PCDHAC2: variants seen among roughly 807,000 people sequenced by gnomAD.
The protein encoded by PCDHAC2 is protocadherin alpha subfamily C, 2, also known as protocadherin alpha-C2.
Under a neutral mutation model 63.3 loss-of-function variants are expected in PCDHAC2, and 24 were observed. The ratio of observed to expected loss-of-function variants is 0.38; its 90% CI spans 0.27 to 0.53. PCDHAC2 has a LOEUF of 0.53. Ranked by LOEUF, PCDHAC2 falls within the 20% of genes least tolerant of loss-of-function variation. The probability of loss-of-function intolerance (pLI) is 0.81; values close to 1 mark genes in which losing one functional copy is unlikely to be tolerated. For missense variants in PCDHAC2, 1,181 were observed against 1,275.2 expected (o/e 0.93, Z 1.12); for synonymous variants, 569 against 529.4 (o/e 1.07, Z -1.03).
In PCDHAC2 at chr5:140,966,787, A is replaced by C. The variant is rs781920865; in HGVS notation, c.21A>C (p.Arg7Ser). 5.9e-5 allele frequency: 90 copies of C among 1,526,700 alleles called. No homozygotes were observed. Among genetic ancestry groups the C allele is most frequent in the Non-Finnish European group, 7.7e-5 (88 of 1,139,948 alleles). The allele number at this position is 1,526,700 out of a possible 1,614,324, so 94.6% of individuals were successfully genotyped here. Residue 7 changes from arginine to serine, a missense_variant, in exon 1 of 4, where the codon AGA (arginine) becomes AGC (serine). This residue lies in a region of PCDHAC2 where 210 missense variants were observed against 184.9 expected (regional missense o/e 1.14). Coordinates refer to ENST00000289269, the MANE Select transcript of PCDHAC2 (RefSeq NM_018899.6). MEQAGT[R>S]PAATEHPRLR... ...TGGCTATGGAGCAGGCGGGCACCAG[A>C]CCTGCGGCGACAGAGCATCCACGGC...
intron 3 of PCDHAC2, among the ~76,000 whole-genome samples, chr5:140,999,591 C>T (rs2153957965): frequency 1.3e-5 from 2 of 152,208 alleles, no homozygotes; most frequent in South Asian, 4.2e-4. Flanking sequence ...AATTGCCTTC[C>T]CTACATCCTG....
At chr5:140,998,415 C>T (rs1554256243) in intron 3 of PCDHAC2, among the ~76,000 whole-genome samples, 1 of 152,158 alleles carries the variant, frequency 6.6e-6, no homozygotes, top group African/African-American at 2.4e-5. Context: ...GTTTATCTAC[C>T]TGGTTTATCC....
At chr5:140,981,019 T>C (rs1396794400) in intron 2 of PCDHAC2, among the ~76,000 whole-genome samples, 1 of 152,124 alleles carries the variant, frequency 6.6e-6, no homozygotes, top group Non-Finnish European at 1.5e-5. Flanking sequence ...ACTTGAAGGC[T>C]GTTAATATTT....
intron 1 of PCDHAC2, 139 bp from the exon 2 acceptor site, chr5:140,978,808 TAG>T: frequency 6.7e-7 from 1 of 1,496,146 alleles, no homozygotes; most frequent in Non-Finnish European, 8.9e-7. Flanking sequence ...GATATCATCA[TAG>T]AGTTACACAT....
intron 3 of PCDHAC2, among the ~76,000 whole-genome samples, chr5:141,001,133 A>G (rs2097993653): frequency 6.6e-6 from 1 of 152,034 alleles, no homozygotes; most frequent in Non-Finnish European, 1.5e-5. Flanking sequence ...AAACAAATGA[A>G]TCTTCTGTTG....
At chr5:140,993,877 C>T (rs1457877493) in intron 3 of PCDHAC2, among the ~76,000 whole-genome samples, 4 of 152,150 alleles carry the variant, frequency 2.6e-5, no homozygotes, top group South Asian at 2.1e-4. Context: ...TGTGTAAGTA[C>T]GCTCTATGAT....
Position 141,009,718 on chromosome 5 carries a change from A to C in PCDHAC2, c.2805A>C (p.Gln935His). The change falls in exon 4 of 4, where the codon CAA becomes CAC. Residue 935 changes from glutamine to histidine, a missense_variant. Around this residue, in one of 3 missense-constraint regions of PCDHAC2, gnomAD observed 968 missense variants for 1,073.5 expected, o/e 0.90. Coordinates refer to ENST00000289269, the MANE Select transcript of PCDHAC2 (RefSeq NM_018899.6). Reference protein sequence around the residue: ...TFKYGPGNPKQSGPGELPDKF... With the variant: ...TFKYGPGNPKHSGPGELPDKF... Reference sequence around the variant, plus strand: ...AATACGGACCAGGCAACCCCAAACAATCCGGTCCCGGTGAGTTGCCCGACA... The same window carrying C: ...AATACGGACCAGGCAACCCCAAACACTCCGGTCCCGGTGAGTTGCCCGACA... 6.2e-7 allele frequency: 1 copy of C among 1,614,044 alleles called. No individual in the cohort carries two copies. Among genetic ancestry groups the C allele is most frequent in the Non-Finnish European group, 8.5e-7 (1 of 1,180,018 alleles).
intron 1 of PCDHAC2, among the ~76,000 whole-genome samples, chr5:140,976,093 A>G (rs782314077): frequency 6.6e-6 from 1 of 152,238 alleles, no homozygotes; most frequent in African/African-American, 2.4e-5. Context: ...TCAGTAGTCA[A>G]CTTTTCAACT....
chr5:140,993,526 A>G (rs1554253825), intron 3 of PCDHAC2, among the ~76,000 whole-genome samples: 1 of 147,824 alleles, frequency 6.8e-6, no homozygotes, highest in Admixed American at 6.7e-5. Flanking sequence ...AGAGAGACAG[A>G]GAGAGAGAGA....
intron 3 of PCDHAC2, among the ~76,000 whole-genome samples, chr5:140,983,479 G>A (rs1297150913): frequency 1.3e-5 from 2 of 152,194 alleles, no homozygotes; most frequent in Non-Finnish European, 2.9e-5. Context: ...GATAATAGTA[G>A]TTACTAATTA....
At chr5:140,972,625 G>A (rs2096544051) in intron 1 of PCDHAC2, among the ~76,000 whole-genome samples, 1 of 151,044 alleles carries the variant, frequency 6.6e-6, no homozygotes, top group African/African-American at 2.4e-5. Flanking sequence ...AATGTTGTTG[G>A]CACTCCCTTC....
In PCDHAC2 at chr5:140,982,507, G is replaced by A. The variant is rs555523473; in HGVS notation, c.2657G>A (p.Arg886Gln). 21 of 1,614,138 alleles carry A rather than the reference G, an allele frequency of 1.3e-5. No individual in the cohort carries two copies. The highest frequency in any genetic ancestry group is 4.0e-5 in the African/African-American group (3 of 75,040). ...CACCTAGAGGAGGCTGGCATTCTAC[G>A]GGCTGGTCCAGGAGGGCCTGATCAG... is the stretch of plus-strand genomic sequence containing the variant. ...SVHLEEAGILRAGPGGPDQQW... is the reference protein window; with the variant it reads ...SVHLEEAGILQAGPGGPDQQW... The change falls in exon 3 of 4, where the codon CGG (arginine) becomes CAG (glutamine). Residue 886 changes from arginine (R) to glutamine (Q), a missense_variant. Arg to Gln is a conservative substitution (Grantham distance 43). This residue lies in a region of PCDHAC2 where 968 missense variants were observed against 1,073.5 expected (regional missense o/e 0.90). Coordinates refer to ENST00000289269, the MANE Select transcript of PCDHAC2 (RefSeq NM_018899.6).
intron 3 of PCDHAC2, among the ~76,000 whole-genome samples, chr5:140,992,036 TG>T (rs2097488420): frequency 6.6e-6 from 1 of 151,818 alleles, no homozygotes; most frequent in African/African-American, 2.4e-5. Flanking sequence ...TGTGTGTGTG[TG>T]TGTGTGTGTG....
At chr5:141,006,035 G>T (rs529655038) in intron 3 of PCDHAC2, among the ~76,000 whole-genome samples, 7 of 151,222 alleles carry the variant, frequency 4.6e-5, no homozygotes, top group Admixed American at 2.0e-4. Flanking sequence ...GTAAGAGGGA[G>T]ATTTGTAGAT....
chr5:140,976,623 A>T (rs2096725019), intron 1 of PCDHAC2, among the ~76,000 whole-genome samples: 1 of 152,206 alleles, frequency 6.6e-6, no homozygotes, highest in Non-Finnish European at 1.5e-5. Context: ...CTGTCAGCTG[A>T]ACTCAGCAAT....
intron 3 of PCDHAC2, among the ~76,000 whole-genome samples, chr5:140,992,004 G>A (rs1165725360): frequency 2.0e-5 from 3 of 147,598 alleles, no homozygotes; most frequent in Non-Finnish European, 3.0e-5. Context: ...TTCATGTTCA[G>A]GCAGAGGTGG....
In PCDHAC2 at chr5:140,967,072, C is replaced by A; in HGVS notation, c.306C>A (p.Asn102Lys). The change falls in exon 1 of 4, where the codon AAC becomes AAA. Residue 102 changes from asparagine (N) to lysine (K), a missense_variant. Transcript: ENST00000289269. ...LDLTSGALFV[N>K]ERIDREALCE... ...TGACGAGTGGAGCGCTCTTCGTCAA[C>A]GAGCGCATTGATCGGGAGGCGCTGT... The A allele has an allele frequency of 4.3e-6, 7 of 1,613,106 alleles. No homozygotes were observed. Among genetic ancestry groups the A allele is most frequent in the Non-Finnish European group, 5.9e-6 (7 of 1,179,716 alleles).
chr5:140,976,781 T>C (rs1238344428), intron 1 of PCDHAC2, among the ~76,000 whole-genome samples: 26 of 152,206 alleles, frequency 1.7e-4, no homozygotes, highest in Admixed American at 1.6e-3. Flanking sequence ...TCTGACTATA[T>C]AGCTACGCTT....
chr5:140,988,193 A>G (rs528689173), intron 3 of PCDHAC2, among the ~76,000 whole-genome samples: 4 of 152,192 alleles, frequency 2.6e-5, no homozygotes, highest in South Asian at 2.1e-4. Flanking sequence ...AGGTGTGTGC[A>G]TATCCTTATT....
Sources: allele counts gnomAD v4.1 joint callset (sites outside exome capture counted in the v4.1 genomes callset), GRCh38; gene constraint gnomAD v4.1.1; regional missense constraint gnomAD v4.1.1; transcripts MANE v1.5; gene names NCBI Gene and HGNC (gene_info 2026-07-23, HGNC 2026-07-21).